Variants in IGF1R observed in about 807,000 individuals in gnomAD.
IGF1R encodes insulin like growth factor 1 receptor, also known as insulin-like growth factor 1 receptor.
IGF1R carries 44 observed loss-of-function variants against 144.6 expected under a neutral mutation model. The ratio of observed to expected loss-of-function variants is 0.30; its 90% CI spans 0.24 to 0.39. IGF1R has a LOEUF of 0.39. Ranked by LOEUF, IGF1R falls within the 10% of genes least tolerant of loss-of-function variation. The pLI, the probability that IGF1R is intolerant of heterozygous loss-of-function variation, is 1.00. For synonymous variants in IGF1R, 795 were observed against 722.8 expected, an observed-to-expected ratio of 1.10 and a Z score of -1.60; for missense variants, 1,355 against 1,833.7, an observed-to-expected ratio of 0.74 and a Z score of 4.77.
intron 2 of IGF1R, among the ~76,000 whole-genome samples, chr15:98,803,649 G>C (rs945831050): frequency 6.6e-6 from 1 of 151,962 alleles, no homozygotes; most frequent in Admixed American, 6.6e-5. Context: ...GGGACTAGAC[G>C]CACACACCAC....
At chr15:98,695,230 A>T (rs576088692) in intron 1 of IGF1R, among the ~76,000 whole-genome samples, 1 of 152,318 alleles carries the variant, frequency 6.6e-6, no homozygotes, top group African/African-American at 2.4e-5. Context: ...CATGTGGGTT[A>T]TGAGATACAA....
At chr15:98,863,715 T>G (rs2012283129) in intron 2 of IGF1R, among the ~76,000 whole-genome samples, 1 of 152,096 alleles carries the variant, frequency 6.6e-6, no homozygotes, top group South Asian at 2.1e-4. Flanking sequence ...ACAAAGGAGG[T>G]GAAGAAGATG....
chr15:98,924,945 C>T (rs1401452116), intron 13 of IGF1R, among the ~76,000 whole-genome samples: 1 of 151,960 alleles, frequency 6.6e-6, no homozygotes, highest in African/African-American at 2.4e-5. Context: ...TGTGTAACCA[C>T]TGGAGAGCCA....
chr15:98,915,858 T>C (rs2015220433), intron 8 of IGF1R, 106 bp from the exon 9 acceptor site: 1 of 983,016 alleles, frequency 1.0e-6, no homozygotes, highest in Admixed American at 1.7e-5. Flanking sequence ...TGTTATTTTC[T>C]TATCCAGGTC....
At chr15:98,781,236 T>G (rs2063671) in intron 2 of IGF1R, among the ~76,000 whole-genome samples, 1 of 152,238 alleles carries the variant, frequency 6.6e-6, no homozygotes, top group African/African-American at 2.4e-5. Flanking sequence ...AAAACAATTT[T>G]AGTACTTCTG....
At chr15:98,728,758 C>G (rs1276172159) in intron 2 of IGF1R, among the ~76,000 whole-genome samples, 1 of 152,244 alleles carries the variant, frequency 6.6e-6, no homozygotes, top group Non-Finnish European at 1.5e-5. Context: ...TGATCACCCT[C>G]TCTGTAAGTT....
At chr15:98,732,998 C>T (rs1052536442) in intron 2 of IGF1R, among the ~76,000 whole-genome samples, 9 of 152,122 alleles carry the variant, frequency 5.9e-5, no homozygotes, top group African/African-American at 9.7e-5. Flanking sequence ...ACCCCTCACG[C>T]GAGCCCATTT....
At chr15:98,756,706 A>G (rs943522939) in intron 2 of IGF1R, among the ~76,000 whole-genome samples, 3 of 151,678 alleles carry the variant, frequency 2.0e-5, no homozygotes, top group African/African-American at 7.3e-5. Context: ...TGCCTGTCTC[A>G]TTTGCTTTTT....
chr15:98,910,026 A>G (rs2014937756), intron 6 of IGF1R, among the ~76,000 whole-genome samples: 1 of 152,222 alleles, frequency 6.6e-6, no homozygotes, highest in South Asian at 2.1e-4. Context: ...GCGTGTGTGC[A>G]GACAGACACA....
In IGF1R at chr15:98,957,675, G is replaced by A; in HGVS notation, c.*233G>A. 5.0e-6 allele frequency: 3 copies of A among 594,942 alleles called. No individual in the cohort carries two copies. Among genetic ancestry groups the A allele is most frequent in the East Asian group, 2.8e-5 (1 of 35,526 alleles). 36.9% of individuals were successfully genotyped at this position (594,942 alleles called of 1,614,324 possible). ...CCCTGCCCAAACCCTTAACTGACAT[G>A]GGCCTTTAAGAACCTTAATGACAAC... On this transcript the variant is annotated 3_prime_UTR_variant, in exon 21 of 21. Coordinates refer to ENST00000650285, the MANE Select transcript of IGF1R (RefSeq NM_000875.5).
At chr15:98,678,379 A>G (rs563685440) in intron 1 of IGF1R, among the ~76,000 whole-genome samples, 6 of 152,226 alleles carry the variant, frequency 3.9e-5, no homozygotes, top group Admixed American at 1.3e-4. Flanking sequence ...AGTTTTGTAA[A>G]ATGAATTAAT....
At chr15:98,687,674 G>T (rs905703130) in intron 1 of IGF1R, among the ~76,000 whole-genome samples, 1 of 152,184 alleles carries the variant, frequency 6.6e-6, no homozygotes, top group Non-Finnish European at 1.5e-5. Context: ...ATGCTGTGTG[G>T]TAACCAGGGG....
chr15:98,673,076 C>A (rs562200347), intron 1 of IGF1R, among the ~76,000 whole-genome samples: 1 of 152,134 alleles, frequency 6.6e-6, no homozygotes, highest in East Asian at 1.9e-4. Flanking sequence ...CTCACTGTAA[C>A]CTTGAACTCC....
Position 98,707,764 on chromosome 15 carries a change from C to T in IGF1R, c.297C>T (p.Leu99=). 1 of 1,614,210 alleles carries T rather than the reference C, an allele frequency of 6.2e-7. No individual in the cohort carries two copies. Among genetic ancestry groups the T allele is most frequent in the Non-Finnish European group, 8.5e-7 (1 of 1,180,044 alleles). ...RVAGLESLGD[L]FPNLTVIRGW... Reference sequence around the variant, plus strand: ...CTGGCCTCGAGAGCCTCGGAGACCTCTTCCCCAACCTCACGGTCATCCGCG... The same window carrying T: ...CTGGCCTCGAGAGCCTCGGAGACCTTTTCCCCAACCTCACGGTCATCCGCG... The change falls in exon 2 of 21, where the codon CTC becomes CTT. Residue 99 remains leucine, a synonymous_variant. Transcript: ENST00000650285. The surrounding 1 kb of genome is among the most constrained non-coding windows in gnomAD (Gnocchi z 6.7).
At chr15:98,688,137 T>A (rs1441903300) in intron 1 of IGF1R, among the ~76,000 whole-genome samples, 1 of 152,276 alleles carries the variant, frequency 6.6e-6, no homozygotes, top group African/African-American at 2.4e-5. Context: ...CTTCTCAGTG[T>A]GCTCTCTGGT....
At chr15:98,752,543 C>T (rs1389650307) in intron 2 of IGF1R, among the ~76,000 whole-genome samples, 1 of 151,994 alleles carries the variant, frequency 6.6e-6, no homozygotes, top group Non-Finnish European at 1.5e-5. Flanking sequence ...GTTAGCTGGG[C>T]GTGGTGGCGG....
intron 2 of IGF1R, among the ~76,000 whole-genome samples, chr15:98,745,646 G>T (rs951993240): frequency 1.3e-5 from 2 of 152,228 alleles, no homozygotes; most frequent in Non-Finnish European, 2.9e-5. Context: ...ATTTCTTTAT[G>T]AAAGATGGCT....
chr15:98,657,993 T>A (rs2052523732), intron 1 of IGF1R, among the ~76,000 whole-genome samples: 1 of 152,182 alleles, frequency 6.6e-6, no homozygotes. Flanking sequence ...TACCATTCCC[T>A]TAGTCTGATG....
At chr15:98,797,198 A>T (rs2056264527) in intron 2 of IGF1R, among the ~76,000 whole-genome samples, 1 of 152,116 alleles carries the variant, frequency 6.6e-6, no homozygotes, top group African/African-American at 2.4e-5. Flanking sequence ...TTTTCCTCTT[A>T]AGGAAGTCAC....
Sources: allele counts gnomAD v4.1 joint callset (sites outside exome capture counted in the v4.1 genomes callset), GRCh38; gene constraint gnomAD v4.1.1; non-coding constraint Gnocchi (gnomAD v3.1); transcripts MANE v1.5; gene names NCBI Gene and HGNC (gene_info 2026-07-23, HGNC 2026-07-21).